The following NREP variants were observed in gnomAD, a reference collection of about 807,000 sequenced individuals.
NREP encodes the protein neuronal regeneration related protein.
A neutral mutation model predicts 8.6 loss-of-function variants in NREP; 5 were observed. That is an observed-to-expected ratio of 0.58 (90% CI 0.30 to 1.22). The LOEUF is 1.22. Ranked by LOEUF, NREP falls within the 50% of genes most tolerant of loss-of-function variation. The pLI, the probability that NREP is intolerant of heterozygous loss-of-function variation, is 0.07. For missense variants in NREP, 86 were observed against 82.5 expected (o/e 1.04, Z -0.17); for synonymous variants, 27 against 28.0 (o/e 0.96, Z 0.11).
At chr5:111,784,385 A>T (rs1335091520) in intron 2 of NREP, among the ~76,000 whole-genome samples, 2 of 152,190 alleles carry the variant, frequency 1.3e-5, no homozygotes, top group Non-Finnish European at 2.9e-5. Context: ...AAGAAGCATG[A>T]ATCTTTGGTG....
At chr5:111,784,277 T>A (rs1581115325) in intron 2 of NREP, among the ~76,000 whole-genome samples, 1 of 152,170 alleles carries the variant, frequency 6.6e-6, no homozygotes, top group Admixed American at 6.5e-5. Flanking sequence ...CATATTTTAC[T>A]GGCCAGAATT....
At chr5:111,966,377 TAA>T (rs1163011095) in intron 2 of NREP, among the ~76,000 whole-genome samples, 2 of 152,250 alleles carry the variant, frequency 1.3e-5, no homozygotes, top group East Asian at 3.8e-4. Flanking sequence ...AATCTGCTTT[TAA>T]TCTATGCTTT....
intron 2 of NREP, among the ~76,000 whole-genome samples, chr5:111,944,968 G>C (rs954042455): frequency 3.3e-5 from 5 of 151,918 alleles, no homozygotes; most frequent in African/African-American, 9.7e-5. Context: ...CCTAATATTT[G>C]ATTAGTTAAC....
intron 2 of NREP, among the ~76,000 whole-genome samples, chr5:111,799,982 T>G (rs149288709): frequency 2.0e-5 from 3 of 152,232 alleles, no homozygotes; most frequent in Non-Finnish European, 2.9e-5. Flanking sequence ...TGCGGTGGTG[T>G]GATCTCAGCT....
intron 2 of NREP, among the ~76,000 whole-genome samples, chr5:111,907,726 T>C (rs965701531): frequency 6.6e-6 from 1 of 152,074 alleles, no homozygotes; most frequent in Non-Finnish European, 1.5e-5. Context: ...CTCAAGACTA[T>C]ATTTGCTCAC....
intron 2 of NREP, among the ~76,000 whole-genome samples, chr5:111,887,529 G>C (rs577985843): frequency 6.6e-6 from 1 of 152,310 alleles, no homozygotes; most frequent in South Asian, 2.1e-4. Flanking sequence ...GGCAGAGTGG[G>C]CCTGCTATGG....
chr5:111,918,607 G>A (rs1239400202), intron 2 of NREP, among the ~76,000 whole-genome samples: 2 of 152,112 alleles, frequency 1.3e-5, no homozygotes, highest in African/African-American at 4.8e-5. Flanking sequence ...ACAGGCAATG[G>A]GGAAAGGATT....
intron 2 of NREP, among the ~76,000 whole-genome samples, chr5:111,963,885 C>G (rs1756553493): frequency 6.6e-6 from 1 of 152,164 alleles, no homozygotes; most frequent in African/African-American, 2.4e-5. Context: ...TACCACTCAA[C>G]ACTGCCTGTG....
intron 2 of NREP, among the ~76,000 whole-genome samples, chr5:111,815,506 A>G (rs993877933): frequency 7.9e-5 from 12 of 152,022 alleles, no homozygotes; most frequent in Non-Finnish European, 1.0e-4. Context: ...TTTTTTAGTT[A>G]TCGTAAATAT....
At chr5:111,861,848 C>A (rs184723465) in intron 2 of NREP, among the ~76,000 whole-genome samples, 2 of 152,180 alleles carry the variant, frequency 1.3e-5, no homozygotes, top group African/African-American at 4.8e-5. Flanking sequence ...AAGCACAGCA[C>A]AGATAGTTAT....
intron 2 of NREP, among the ~76,000 whole-genome samples, chr5:111,826,765 C>G (rs1489237952): frequency 1.3e-5 from 2 of 152,168 alleles, no homozygotes; most frequent in East Asian, 1.9e-4. Context: ...AAATTCCTGG[C>G]CTCAAGTGAT....
intron 2 of NREP, among the ~76,000 whole-genome samples, chr5:111,939,237 C>T (rs1240858213): frequency 6.6e-6 from 1 of 152,046 alleles, no homozygotes; most frequent in Non-Finnish European, 1.5e-5. Context: ...AGACTCATTA[C>T]TTCTCACAGC....
intron 2 of NREP, among the ~76,000 whole-genome samples, chr5:111,833,755 T>C (rs1254359325): frequency 6.6e-6 from 1 of 152,142 alleles, no homozygotes; most frequent in Non-Finnish European, 1.5e-5. Context: ...GCTGATGGAG[T>C]GGCATACTCA....
intron 2 of NREP, among the ~76,000 whole-genome samples, chr5:111,817,541 C>G (rs1393759341): frequency 6.6e-6 from 1 of 152,048 alleles, no homozygotes; most frequent in Non-Finnish European, 1.5e-5. Context: ...CATGGTGGCT[C>G]ACACCTGTAA....
chr5:111,936,736 C>A (rs950130225), intron 2 of NREP, among the ~76,000 whole-genome samples: 1 of 152,026 alleles, frequency 6.6e-6, no homozygotes, highest in African/African-American at 2.4e-5. Context: ...GAACAGAAAC[C>A]AAATGGAAAC....
intron 2 of NREP, among the ~76,000 whole-genome samples, chr5:111,944,993 C>T (rs183719572): frequency 4.6e-5 from 7 of 152,178 alleles, no homozygotes; most frequent in Non-Finnish European, 1.0e-4. Flanking sequence ...TCTACCTATG[C>T]TTCCCTTAAA....
At chr5:111,766,621 C>T (rs376292585) in intron 2 of NREP, among the ~76,000 whole-genome samples, 93 of 152,278 alleles carry the variant, frequency 6.1e-4, no homozygotes, top group African/African-American at 2.2e-3. Flanking sequence ...TTCTTGGGTC[C>T]TCTGCTCCCT....
chr5:111,970,227 A>AT (rs142291364), intron 2 of NREP, among the ~76,000 whole-genome samples: 6,511 of 151,688 alleles, frequency 0.043, 458 homozygotes, highest in African/African-American at 0.15. Context: ...TGTGGTTCTA[A>AT]TTTTTTTTTG....
At chr5:111,781,680 C>A (rs1243901183) in intron 2 of NREP, among the ~76,000 whole-genome samples, 4 of 152,124 alleles carry the variant, frequency 2.6e-5, no homozygotes, top group Admixed American at 2.0e-4. Context: ...AAAATAACAA[C>A]TTTGTGATGA....
Sources: allele counts gnomAD v4.1 joint callset (sites outside exome capture counted in the v4.1 genomes callset), GRCh38; gene constraint gnomAD v4.1.1; transcripts MANE v1.5; gene names NCBI Gene and HGNC (gene_info 2026-07-23, HGNC 2026-07-21).